The following TBX15 variants were observed in gnomAD, a reference collection of about 807,000 sequenced individuals.
TBX15 encodes the protein T-box transcription factor TBX15.
TBX15 carries 18 observed loss-of-function variants against 53.9 expected under a neutral mutation model. The observed-to-expected ratio is 0.33, with a 90% CI of 0.23 to 0.49. The LOEUF (loss-of-function observed/expected upper bound fraction) is 0.49. Ranked by LOEUF, TBX15 falls within the 20% of genes least tolerant of loss-of-function variation. The pLI, the probability that TBX15 is intolerant of heterozygous loss-of-function variation, is 0.98. For missense variants in TBX15, 692 were observed against 749.5 expected, an observed-to-expected ratio of 0.92 and a Z score of 0.90; for synonymous variants, 295 against 278.0, an observed-to-expected ratio of 1.06 and a Z score of -0.61.
chr1:118,909,214 G>A (rs558462740), intron 6 of TBX15, among the ~76,000 whole-genome samples: 7 of 152,318 alleles, frequency 4.6e-5, no homozygotes, highest in African/African-American at 1.7e-4. Flanking sequence ...TCTATTCTGT[G>A]GAAGGCACAG....
intron 1 of TBX15, among the ~76,000 whole-genome samples, chr1:118,951,777 C>T (rs1474110793): frequency 6.6e-6 from 1 of 152,170 alleles, no homozygotes; most frequent in Non-Finnish European, 1.5e-5. Context: ...TGTTAGTGTC[C>T]CAGCCCTATC....
At chr1:118,895,802 A>C (rs975866626) in intron 7 of TBX15, among the ~76,000 whole-genome samples, 2 of 152,240 alleles carry the variant, frequency 1.3e-5, no homozygotes, top group Non-Finnish European at 2.9e-5. Context: ...GTTGAACAAT[A>C]AAAACCATCA....
chr1:118,942,340 A>T (rs1238515009), intron 1 of TBX15, among the ~76,000 whole-genome samples: 2 of 152,196 alleles, frequency 1.3e-5, no homozygotes, highest in Non-Finnish European at 2.9e-5. Context: ...GGCACCTATT[A>T]TGCACTCAAT....
intron 6 of TBX15, chr1:118,901,420 T>C: frequency 2.2e-6 from 1 of 456,568 alleles, no homozygotes; most frequent in South Asian, 1.5e-5. Context: ...CTTAACACTG[T>C]TTTATTGCAG....
chr1:118,904,428 T>G (rs138166748), intron 6 of TBX15, among the ~76,000 whole-genome samples: 210 of 152,256 alleles, frequency 1.4e-3, no homozygotes, highest in Non-Finnish European at 2.5e-3. Context: ...CTAAAAGACC[T>G]CCCAGCAGAG....
At chr1:118,952,358 A>T (rs532641330) in intron 1 of TBX15, among the ~76,000 whole-genome samples, 2 of 152,278 alleles carry the variant, frequency 1.3e-5, no homozygotes, top group Non-Finnish European at 2.9e-5. Flanking sequence ...CTACATAGGG[A>T]GTCAGCACCA....
At chr1:118,905,373 A>T (rs1456615121) in intron 6 of TBX15, among the ~76,000 whole-genome samples, 1 of 152,226 alleles carries the variant, frequency 6.6e-6, no homozygotes. Flanking sequence ...AATGATCGCC[A>T]ATTTTCTCTG....
chr1:118,947,726 C>A (rs1418166075), intron 1 of TBX15, among the ~76,000 whole-genome samples: 3 of 152,196 alleles, frequency 2.0e-5, no homozygotes, highest in Non-Finnish European at 4.4e-5. Flanking sequence ...TTAATCCATA[C>A]TTGCAGTGCC....
Position 118,987,906 on chromosome 1 carries a change from C to A in TBX15, c.-111G>T, listed in dbSNP as rs528207676. ...CGGCCCGGGAGAGGCGGAGGCGCGT[C>A]GGACGAGGCTGAGACTGCGGCTCGC... On this transcript the variant is annotated 5_prime_UTR_variant, in exon 1 of 8. Transcript: ENST00000369429. 9.5e-6 allele frequency: 13 copies of A among 1,367,778 alleles called. No homozygotes were observed. Among genetic ancestry groups the A allele is most frequent in the Middle Eastern group, 2.6e-4 (1 of 3,882 alleles). The allele number at this position is 1,367,778 out of a possible 1,614,324, so 84.7% of individuals were successfully genotyped here. A position where few individuals can be genotyped will look rare whatever the true frequency, so the allele number is the denominator to read the frequency against.
In TBX15 at chr1:118,893,269, A is replaced by AGAAGGAAGGAAGGAAGGAAG. The variant is rs373917263; in HGVS notation, c.1024+5739_1024+5758dup. Among the ~76,000 whole-genome samples, 314 of 61,124 alleles carry AGAAGGAAGGAAGGAAGGAAG rather than the reference A, an allele frequency of 5.1e-3. 3 individuals are homozygous for AGAAGGAAGGAAGGAAGGAAG. The highest frequency in any genetic ancestry group is 7.1e-3 in the Non-Finnish European group (257 of 36,372). 40.1% of individuals were successfully genotyped at this position (61,124 alleles called of 152,430 possible). A position where few individuals can be genotyped will look rare whatever the true frequency, so the allele number is the denominator to read the frequency against. Reference sequence around the variant, plus strand: ...AAGAAAGAAAGGAAGAAAGAAAGGAAGAAGGAAGGAAGGAAGGAAGGAAGG... The same window carrying AGAAGGAAGGAAGGAAGGAAG: ...AAGAAAGAAAGGAAGAAAGAAAGGAAGAAGGAAGGAAGGAAGGAAGGAAGGAAGGAAGGAAGGAAGGAAGG... On this transcript the variant is annotated intron_variant, in intron 7 of 7. Transcript: ENST00000369429.
intron 1 of TBX15, among the ~76,000 whole-genome samples, chr1:118,970,169 C>G (rs772300766): frequency 6.6e-6 from 1 of 152,196 alleles, no homozygotes; most frequent in Non-Finnish European, 1.5e-5. Context: ...AACTGTGAGT[C>G]AATTAAACAT....
At chr1:118,922,097 G>T (rs1486346026) in intron 5 of TBX15, among the ~76,000 whole-genome samples, 3 of 152,162 alleles carry the variant, frequency 2.0e-5, no homozygotes, top group African/African-American at 7.2e-5. Flanking sequence ...CGCAGCCAAA[G>T]GGAATGTTAA....
chr1:118,949,066 T>A (rs1656431938), intron 1 of TBX15, among the ~76,000 whole-genome samples: 1 of 152,178 alleles, frequency 6.6e-6, no homozygotes. Context: ...AATGTGGCAT[T>A]TGAGAGCTTG....
chr1:118,910,629 A>G lies in TBX15; in HGVS notation c.926+3486T>C, dbSNP rs191137217. Among the ~76,000 whole-genome samples the G allele has an allele frequency of 7.0e-4, 106 of 152,352 alleles. 1 individual carries two copies. Among genetic ancestry groups the G allele is most frequent in the African/African-American group, 2.5e-3 (104 of 41,574 alleles). On this transcript the variant is annotated intron_variant, in intron 6 of 7. Coordinates refer to ENST00000369429, the MANE Select transcript of TBX15 (RefSeq NM_001330677.2). ...ATCCTGTGGGTAGCCAGTGAGAATTAAAGTGTGATTATCAGGTAATTTTGA... is the reference window on the plus strand; with the variant it reads ...ATCCTGTGGGTAGCCAGTGAGAATTGAAGTGTGATTATCAGGTAATTTTGA...
chr1:118,884,512 G>A lies in TBX15; in HGVS notation c.*220C>T. On this transcript the variant is annotated 3_prime_UTR_variant, in exon 8 of 8. Transcript: ENST00000369429. ...TATAAAACTAAGGTCTGGGAAGGCA[G>A]AAGAATGGCCACTGAGTTGCGGATG... is the stretch of plus-strand genomic sequence containing the variant. 1.6e-6 allele frequency: 1 copy of A among 608,384 alleles called. No individual in the cohort carries two copies. Among genetic ancestry groups the A allele is most frequent in the Admixed American group, 3.1e-5 (1 of 32,564 alleles). 37.7% of individuals were successfully genotyped at this position (608,384 alleles called of 1,614,324 possible).
chr1:118,903,825 T>C (rs960942565), intron 6 of TBX15, among the ~76,000 whole-genome samples: 1 of 152,194 alleles, frequency 6.6e-6, no homozygotes, highest in Non-Finnish European at 1.5e-5. Flanking sequence ...AAGATATAAA[T>C]GACTAGTTTC....
chr1:118,954,099 G>A (rs1656603909), intron 1 of TBX15, among the ~76,000 whole-genome samples: 1 of 152,226 alleles, frequency 6.6e-6, no homozygotes, highest in African/African-American at 2.4e-5. Context: ...GGCTGTCAAA[G>A]CTTTCTTCTT....
chr1:118,898,685 C>A (rs1311683919), intron 7 of TBX15, among the ~76,000 whole-genome samples: 1 of 151,964 alleles, frequency 6.6e-6, no homozygotes, highest in Admixed American at 6.6e-5. Context: ...AGAAGGCTAC[C>A]ATGAGGAATA....
intron 1 of TBX15, among the ~76,000 whole-genome samples, chr1:118,950,159 G>T (rs1264618452): frequency 6.6e-6 from 1 of 152,194 alleles, no homozygotes; most frequent in East Asian, 1.9e-4. Flanking sequence ...GGAAGAAATT[G>T]TAAAAGACTG....
Sources: gnomAD v4.1 joint callset for allele counts (sites outside exome capture counted in the v4.1 genomes callset) on GRCh38, gnomAD v4.1.1 for gene constraint, MANE v1.5 for transcripts, NCBI Gene and HGNC (gene_info 2026-07-23, HGNC 2026-07-21) for gene names.